DUS1L: variants seen among roughly 807,000 people sequenced by gnomAD.
DUS1L encodes the protein tRNA-dihydrouridine(16/17) synthase [NAD(P)(+)]-like.
DUS1L carries 56 observed loss-of-function variants against 61.2 expected under a neutral mutation model. The observed-to-expected ratio is 0.92, with a 90% confidence interval of 0.74 to 1.14. The LOEUF (loss-of-function observed/expected upper bound fraction) is 1.14, where lower values mean the gene tolerates loss of function less well. Among genes scored for constraint, DUS1L ranks in the 50% most tolerant of loss-of-function variants. The probability of loss-of-function intolerance (pLI) is 0.00; values close to 1 mark genes in which losing one functional copy is unlikely to be tolerated. For missense variants in DUS1L, 630 were observed against 632.4 expected (o/e 1.00, Z 0.04); for synonymous variants, 278 against 259.5 (o/e 1.07, Z -0.69).
Position 82,058,068 on chromosome 17 carries a change from C to T in DUS1L, c.*47G>A, listed in dbSNP as rs754318992. The T allele has an allele frequency of 7.5e-6, 11 of 1,476,010 alleles. No individual in the cohort carries two copies. Among genetic ancestry groups the T allele is most frequent in the South Asian group, 4.1e-5 (3 of 72,416 alleles). The allele number at this position is 1,476,010 out of a possible 1,614,324, so 91.4% of individuals were successfully genotyped here. The stretch of plus-strand genomic sequence containing the variant: ...GTAAAAGGCATTTTCTTAAGTAGGA[C>T]GTGTCCAGGCTCCAGCAGCAGTCCT... On this transcript the variant is annotated 3_prime_UTR_variant, in exon 14 of 14. Coordinates refer to ENST00000306796, the MANE Select transcript of DUS1L (RefSeq NM_022156.5).
At chr17:82,061,172 C>T (rs775756471) in intron 8 of DUS1L, 37 bp downstream of exon 8, 5 of 1,559,774 alleles carry the variant, frequency 3.2e-6, no homozygotes, top group Non-Finnish European at 3.5e-6. Context: ...GCCTGGGCGG[C>T]CCTCCAACGT....
At chr17:82,058,917 A>C (rs1252052427) in intron 11 of DUS1L, 99 bp from the exon 12 acceptor site, 2 of 1,171,708 alleles carry the variant, frequency 1.7e-6, no homozygotes, top group Non-Finnish European at 2.6e-6. Flanking sequence ...GATGGCGTCC[A>C]TGCCAGCTGT....
At chr17:82,064,783 GA>G (rs1353909226) in intron 2 of DUS1L, 39 bp downstream of exon 2, 42 of 1,571,464 alleles carry the variant, frequency 2.7e-5, no homozygotes, top group Admixed American at 3.6e-5. Flanking sequence ...CCAGGACCGG[GA>G]ACCCAACCGC....
Position 82,065,046 on chromosome 17 carries a change from T to TG in DUS1L, c.13dup (p.Gln5ProfsTer80). 1 of 1,598,900 alleles carries TG rather than the reference T, an allele frequency of 6.3e-7. No homozygotes were observed. The highest frequency in any genetic ancestry group is 8.5e-7 in the Non-Finnish European group (1 of 1,171,632). On this transcript the variant is annotated frameshift_variant, in exon 2 of 14. Transcript: ENST00000306796. LOFTEE classifies it high-confidence loss of function. ...GGTGCGGCTCCAGAACTCGAAGCCCTGCAGCTTTGGCATCGTCTCCAGGCT... is the reference window on the plus strand; with the variant it reads ...GGTGCGGCTCCAGAACTCGAAGCCCTGGCAGCTTTGGCATCGTCTCCAGGCT...
At position 82,061,199 on chromosome 17, in the gene DUS1L, G is replaced by T. The variant is rs893631956; in HGVS notation, c.842+10C>A. The T allele has an allele frequency of 3.2e-6, 5 of 1,578,270 alleles. No individual in the cohort carries two copies. The highest frequency in any genetic ancestry group is 4.3e-6 in the Non-Finnish European group (5 of 1,158,838). The stretch of plus-strand genomic sequence containing the variant: ...CTCCAACGTGGCTTCTGCCTTAGGG[G>T]GCAACTCACGTGTGGTGCCACAGCT... On this transcript the variant is annotated intron_variant, in intron 8 of 13. Coordinates refer to ENST00000306796, the MANE Select transcript of DUS1L (RefSeq NM_022156.5).
At position 82,063,441 on chromosome 17, in the gene DUS1L, C is replaced by T. The variant is rs193128410; in HGVS notation, c.397+27G>A. The T allele has an allele frequency of 5.0e-6, 8 of 1,613,714 alleles. No homozygotes were observed. In the South Asian group the frequency reaches 5.5e-5, roughly 11 times the overall value. On this transcript the variant is annotated intron_variant, in intron 4 of 13. Coordinates refer to ENST00000306796, the MANE Select transcript of DUS1L (RefSeq NM_022156.5). ...GTCCCTCTTGAGGGTCTCTGGGGGT[C>T]CTTCACCATCCACCCAGCCAACTCA...
At position 82,061,930 on chromosome 17, in the gene DUS1L, T is replaced by C; in HGVS notation, c.564A>G (p.Ala188=). 3 of 1,610,992 alleles carry C rather than the reference T, an allele frequency of 1.9e-6. No individual in the cohort carries two copies. The highest frequency in any genetic ancestry group is 2.7e-5 in the African/African-American group (2 of 74,996). Residue 188 remains alanine, a synonymous_variant, in exon 6 of 14, where the codon GCA becomes GCG. Transcript: ENST00000306796. The part of the protein sequence containing the change: ...TKEQKGPLSG[A]ASWEHIKAVR... ...CAGCCTTGATATGCTCCCAGGACGC[T>C]GCACCCGACAGGGGCCCCTTCTGCT...
At chr17:82,061,747 C>T (rs376128232) in intron 6 of DUS1L, 26 bp from the exon 7 acceptor site, 212 of 1,611,160 alleles carry the variant, frequency 1.3e-4, no homozygotes, top group Non-Finnish European at 1.6e-4. Context: ...TGCCTGTTTC[C>T]ACCCGCCCGG....
chr17:82,064,244 A>G lies in DUS1L; in HGVS notation c.238-10T>C, dbSNP rs1029283416. ...GGTCATTGGCACAGAACTGGAGAAG[A>G]TGCAGGAGTCAGCCACGGGCCCAGC... On this transcript the variant is annotated splice_polypyrimidine_tract_variant and intron_variant, in intron 2 of 13. Coordinates refer to ENST00000306796, the MANE Select transcript of DUS1L (RefSeq NM_022156.5). The G allele has an allele frequency of 6.2e-7, 1 of 1,609,046 alleles. No individual in the cohort carries two copies. Among genetic ancestry groups the G allele is most frequent in the Non-Finnish European group, 8.5e-7 (1 of 1,179,016 alleles).
intron 10 of DUS1L, 25 bp downstream of exon 10, chr17:82,060,676 C>A: frequency 1.9e-6 from 3 of 1,608,950 alleles, no homozygotes; most frequent in Non-Finnish European, 2.5e-6. Context: ...TGCACATCCC[C>A]GCCCAGGGCT....
intron 12 of DUS1L, 144 bp downstream of exon 12, chr17:82,058,637 C>A: frequency 6.6e-7 from 1 of 1,519,016 alleles, no homozygotes; most frequent in Non-Finnish European, 8.8e-7. Context: ...AGCAAGGGGC[C>A]GTCCTGAGGC....
chr17:82,058,541 A>T, intron 12 of DUS1L, 125 bp from the exon 13 acceptor site: 1 of 1,459,390 alleles, frequency 6.9e-7, no homozygotes, highest in Non-Finnish European at 9.0e-7. Flanking sequence ...CAGCCCTGGG[A>T]ACTGCTCCCA....
rs551324607 is a variant in DUS1L, at chr17:82,065,012, C to T, written c.48G>A (p.Gly16=). The T allele has an allele frequency of 1.6e-5, 26 of 1,609,786 alleles. No individual in the cohort carries two copies. The highest frequency in any genetic ancestry group is 1.6e-4 in the African/African-American group (12 of 74,992). ...CCATGGGGGCCACGACGTGGCGGGC[C>T]CCTCGCAGGGTGCGGCTCCAGAACT... ...GFEFWSRTLR[G]ARHVVAPMVD... is the part of the protein sequence containing the mutation. Residue 16 remains glycine (G), a synonymous_variant, in exon 2 of 14, where the codon GGG becomes GGA. Transcript: ENST00000306796.
intron 4 of DUS1L, 38 bp from the exon 5 acceptor site, chr17:82,063,011 T>C (rs1317928038): frequency 6.4e-7 from 1 of 1,558,758 alleles, no homozygotes; most frequent in African/African-American, 1.4e-5. Context: ...GGGGCCATGG[T>C]GTTCCCACTT....
In DUS1L at chr17:82,058,732, C is replaced by T. The variant is rs771922140; in HGVS notation, c.1206+49G>A. 18 of 1,611,758 alleles carry T rather than the reference C, an allele frequency of 1.1e-5. No individual in the cohort carries two copies. In the South Asian group the frequency reaches 1.3e-4, roughly 12 times the overall value. ...CCAAGCAGTGCAGAGACCACCCTGC[C>T]CACCCCCAAAGCTGAAGCCTTGGTG... is the stretch of plus-strand genomic sequence containing the variant. On this transcript the variant is annotated intron_variant, in intron 12 of 13. Coordinates refer to ENST00000306796, the MANE Select transcript of DUS1L (RefSeq NM_022156.5).
chr17:82,060,122 A>G (rs747242064), intron 10 of DUS1L, 29 bp from the exon 11 acceptor site: 3 of 1,605,250 alleles, frequency 1.9e-6, no homozygotes, highest in East Asian at 4.5e-5. Flanking sequence ...GCAGAGCCCA[A>G]GGACACTGTG....
chr17:82,058,615 G>A (rs900631126), intron 12 of DUS1L, 166 bp downstream of exon 12: 2 of 1,490,840 alleles, frequency 1.3e-6, no homozygotes, highest in Non-Finnish European at 1.8e-6. Context: ...CCTGGGCAGG[G>A]GCTTGGCTGG....
In DUS1L at chr17:82,061,725, T is replaced by C. The variant is rs370851926; in HGVS notation, c.594-4A>G. The C allele has an allele frequency of 6.2e-6, 10 of 1,612,532 alleles. No individual in the cohort carries two copies. The African/African-American group carries it at 1.2e-4, about 19-fold the overall frequency. On this transcript the variant is annotated splice_region_variant and splice_polypyrimidine_tract_variant and intron_variant, in intron 6 of 13. Coordinates refer to ENST00000306796, the MANE Select transcript of DUS1L (RefSeq NM_022156.5). ...CACAGGGATGGCCACAGCCTTCCTGTTGGCAGAGAAATGCCTGTTTCCACC... is the reference window on the plus strand; with the variant it reads ...CACAGGGATGGCCACAGCCTTCCTGCTGGCAGAGAAATGCCTGTTTCCACC...
At chr17:82,062,834 T>A (rs778749440) in intron 5 of DUS1L, 27 bp downstream of exon 5, 1 of 1,588,024 alleles carries the variant, frequency 6.3e-7, no homozygotes, top group Admixed American at 1.7e-5. Flanking sequence ...CTGAGGCCCA[T>A]GACACCCCCG....
Sources: gnomAD v4.1 joint callset for allele counts on GRCh38, gnomAD v4.1.1 for gene constraint, MANE v1.5 for transcripts, NCBI Gene and HGNC (gene_info 2026-07-23, HGNC 2026-07-21) for gene names.